Variants in GALNT18 observed in about 807,000 individuals in gnomAD.
The protein encoded by GALNT18 is polypeptide N-acetylgalactosaminyltransferase 18, also known as GalNAc-transferase 18.
In GALNT18, 44 loss-of-function variants were observed where a neutral mutation model predicts 69.5. That is an observed-to-expected ratio of 0.63 (90% CI 0.50 to 0.81). GALNT18 has a LOEUF of 0.81. Among genes scored for constraint, GALNT18 ranks in the 40% least tolerant of loss-of-function variants. The pLI is 0.00. For missense variants in GALNT18, 715 were observed against 810.0 expected (o/e 0.88, Z 1.42); for synonymous variants, 364 against 318.2 (o/e 1.14, Z -1.53).
In GALNT18 at chr11:11,592,177, G is replaced by C. The variant is rs1436565981; in HGVS notation, c.235+29182C>G. ...AGGAGATTCCTATTTCTCTAAGCAAGTCCCTAGAAACATCATCAATCTGTC... is the reference window on the plus strand; with the variant it reads ...AGGAGATTCCTATTTCTCTAAGCAACTCCCTAGAAACATCATCAATCTGTC... On this transcript the variant is annotated intron_variant, in intron 1 of 10. Transcript: ENST00000227756. This position sits in a 1 kb window ranked among gnomAD's most constrained non-coding sequence, Gnocchi z 5.9. Among the ~76,000 whole-genome samples, 1 of 152,100 alleles carries C rather than the reference G, an allele frequency of 6.6e-6. No homozygotes were observed. Among genetic ancestry groups the C allele is most frequent in the Non-Finnish European group, 1.5e-5 (1 of 68,028 alleles).
chr11:11,575,725 CA>C (rs1036562683), intron 1 of GALNT18, among the ~76,000 whole-genome samples: 1 of 152,050 alleles, frequency 6.6e-6, no homozygotes, highest in Non-Finnish European at 1.5e-5. Context: ...TGAAAAACAG[CA>C]AATGCTGTGA....
At chr11:11,449,600 G>A (rs1019931098) in intron 1 of GALNT18, among the ~76,000 whole-genome samples, 1 of 152,220 alleles carries the variant, frequency 6.6e-6, no homozygotes, top group African/African-American at 2.4e-5. Context: ...GAGCCCTTGT[G>A]GACTTGGTGG....
At chr11:11,311,802 T>C (rs1274741967) in intron 9 of GALNT18, among the ~76,000 whole-genome samples, 1 of 152,240 alleles carries the variant, frequency 6.6e-6, no homozygotes, top group African/African-American at 2.4e-5. Flanking sequence ...TCTTGACTAA[T>C]AACAACTAAT....
intron 1 of GALNT18, among the ~76,000 whole-genome samples, chr11:11,574,120 G>C (rs1200740791): frequency 1.3e-5 from 2 of 152,124 alleles, no homozygotes; most frequent in African/African-American, 4.8e-5. Context: ...ATGCCCCATG[G>C]GAGAGGAAGG....
intron 1 of GALNT18, among the ~76,000 whole-genome samples, chr11:11,478,028 G>GCCTC (rs1350340743): frequency 4.6e-5 from 7 of 152,348 alleles, no homozygotes; most frequent in Non-Finnish European, 8.8e-5. Context: ...GACTGTGGAG[G>GCCTC]GAGGGGCTTT....
intron 1 of GALNT18, among the ~76,000 whole-genome samples, chr11:11,530,263 T>C (rs1857616840): frequency 6.6e-6 from 1 of 152,160 alleles, no homozygotes. Context: ...ACTTAATAAC[T>C]TAAGGCAATT....
At chr11:11,301,093 A>G (rs1390935989) in intron 9 of GALNT18, among the ~76,000 whole-genome samples, 1 of 152,164 alleles carries the variant, frequency 6.6e-6, no homozygotes, top group African/African-American at 2.4e-5. Flanking sequence ...AGGGCAAGAA[A>G]AGACCCAGGA....
At chr11:11,373,011 C>T (rs1007284138) in intron 5 of GALNT18, among the ~76,000 whole-genome samples, 8 of 152,110 alleles carry the variant, frequency 5.3e-5, no homozygotes, top group African/African-American at 1.9e-4. Context: ...CTTACCCTTC[C>T]CCAACTTGGA....
At chr11:11,274,248 T>C (rs4278500) in intron 10 of GALNT18, among the ~76,000 whole-genome samples, 89,823 of 151,874 alleles carry the variant, frequency 0.59, 27,288 homozygotes, top group Middle Eastern at 0.74. Context: ...CAAAACAGGG[T>C]GGCTGTTTGG....
chr11:11,535,598 A>G (rs997939071), intron 1 of GALNT18, among the ~76,000 whole-genome samples: 1 of 152,078 alleles, frequency 6.6e-6, no homozygotes, highest in Non-Finnish European at 1.5e-5. Context: ...AGGGAAGAGA[A>G]CCCTGCCCTG....
chr11:11,290,504 C>T (rs1240860940), intron 10 of GALNT18, among the ~76,000 whole-genome samples: 2 of 152,158 alleles, frequency 1.3e-5, no homozygotes, highest in African/African-American at 2.4e-5. Flanking sequence ...ACTCTTCAGC[C>T]GCTCCCCACT....
At chr11:11,495,243 T>C (rs1242411061) in intron 1 of GALNT18, among the ~76,000 whole-genome samples, 1 of 152,174 alleles carries the variant, frequency 6.6e-6, no homozygotes, top group Non-Finnish European at 1.5e-5. Flanking sequence ...AAGAGCAGCA[T>C]TTTTGCATGG....
In GALNT18 at chr11:11,421,599, C is replaced by A. The variant is rs1300037263; in HGVS notation, c.595+11022G>T. 6.6e-6 allele frequency among the ~76,000 whole-genome samples: 1 copy of A among 152,148 alleles called. No homozygotes were observed. The highest frequency in any genetic ancestry group is 2.4e-5 in the African/African-American group (1 of 41,444). On this transcript the variant is annotated intron_variant, in intron 3 of 10. Coordinates refer to ENST00000227756, the MANE Select transcript of GALNT18 (RefSeq NM_198516.3). This position sits in a 1 kb window ranked among gnomAD's most constrained non-coding sequence, Gnocchi z 5.6. ...ACAGCAAGTTGACAGGAAACAGAGGCAGGCCAAACGCAGGACCAATGCAGA... is the reference window on the plus strand; with the variant it reads ...ACAGCAAGTTGACAGGAAACAGAGGAAGGCCAAACGCAGGACCAATGCAGA...
At chr11:11,280,148 C>T (rs11021748) in intron 10 of GALNT18, among the ~76,000 whole-genome samples, 157 of 152,150 alleles carry the variant, frequency 1.0e-3, no homozygotes, top group Middle Eastern at 3.4e-3. Flanking sequence ...GGGCACCCCC[C>T]GCCCGGGGAG....
At chr11:11,398,882 G>T (rs1413857950) in intron 3 of GALNT18, among the ~76,000 whole-genome samples, 2 of 152,180 alleles carry the variant, frequency 1.3e-5, no homozygotes, top group African/African-American at 4.8e-5. Context: ...CCTGAAAATG[G>T]ACAGAGGGAG....
chr11:11,463,038 C>T lies in GALNT18; in HGVS notation c.236-14102G>A, dbSNP rs1856079651. Among the ~76,000 whole-genome samples, 1 of 152,146 alleles carries T rather than the reference C, an allele frequency of 6.6e-6. No individual in the cohort carries two copies. Among genetic ancestry groups the T allele is most frequent in the Admixed American group, 6.5e-5 (1 of 15,282 alleles). ...ATAGCATGCACCTGCCCCTACAGGA[C>T]AGGCAGGTGGGAGGGTAAGCAGTGC... is the stretch of plus-strand genomic sequence containing the variant. On this transcript the variant is annotated intron_variant, in intron 1 of 10. Coordinates refer to ENST00000227756, the MANE Select transcript of GALNT18 (RefSeq NM_198516.3). The surrounding 1 kb of genome is among the most constrained non-coding windows in gnomAD (Gnocchi z 4.2).
rs1199192500 is a variant in GALNT18 at position 11,402,885 on chromosome 11, G to A, written c.596-23621C>T. ...GGGCCCCGGAGATGGTGTAATGCTTGTTTCTCTTTGGAGTTAGCACAGCTC... is the reference window on the plus strand; with the variant it reads ...GGGCCCCGGAGATGGTGTAATGCTTATTTCTCTTTGGAGTTAGCACAGCTC... On this transcript the variant is annotated intron_variant, in intron 3 of 10. Coordinates refer to ENST00000227756, the MANE Select transcript of GALNT18 (RefSeq NM_198516.3). The surrounding 1 kb of genome is among the most constrained non-coding windows in gnomAD (Gnocchi z 4.0). 1.3e-5 allele frequency among the ~76,000 whole-genome samples: 2 copies of A among 152,200 alleles called. No homozygotes were observed. Among genetic ancestry groups the A allele is most frequent in the Non-Finnish European group, 2.9e-5 (2 of 68,026 alleles).
chr11:11,279,854 AGT>A (rs1333587194), intron 10 of GALNT18, among the ~76,000 whole-genome samples: 1 of 152,168 alleles, frequency 6.6e-6, no homozygotes, highest in East Asian at 1.9e-4. Context: ...TGGAGTTGAA[AGT>A]GTGTATTTTA....
At chr11:11,381,629 A>G (rs796750260) in intron 3 of GALNT18, among the ~76,000 whole-genome samples, 4 of 152,304 alleles carry the variant, frequency 2.6e-5, no homozygotes, top group African/African-American at 9.6e-5. Flanking sequence ...CGCAAGTTCC[A>G]GGCCTTTTGC....
Sources: gnomAD v4.1 joint callset for allele counts (sites outside exome capture counted in the v4.1 genomes callset) on GRCh38, gnomAD v4.1.1 for gene constraint, Gnocchi (gnomAD v3.1) non-coding constraint, MANE v1.5 for transcripts, NCBI Gene and HGNC (gene_info 2026-07-23, HGNC 2026-07-21) for gene names.